Variants in GAP43 observed in about 807,000 individuals in gnomAD.
GAP43 encodes the protein neuromodulin.
In GAP43, 6 loss-of-function variants were observed where a neutral mutation model predicts 18.6. The ratio of observed to expected loss-of-function variants is 0.32; its 90% CI spans 0.18 to 0.64. GAP43 has a LOEUF of 0.64. GAP43 is among the 30% of genes least tolerant of loss of function. GAP43 has a pLI of 0.78. For missense variants in GAP43, 292 were observed against 295.5 expected, an observed-to-expected ratio of 0.99 and a Z score of 0.09; for synonymous variants, 115 against 111.4, an observed-to-expected ratio of 1.03 and a Z score of -0.20.
At chr3:115,709,310 C>T (rs1005973376) in intron 2 of GAP43, among the ~76,000 whole-genome samples, 1 of 152,210 alleles carries the variant, frequency 6.6e-6, no homozygotes, top group Non-Finnish European at 1.5e-5. Flanking sequence ...CAGTTCCCCA[C>T]AGACCCCACT....
At chr3:115,648,139 T>G (rs72961663) in intron 1 of GAP43, among the ~76,000 whole-genome samples, 2 of 152,116 alleles carry the variant, frequency 1.3e-5, no homozygotes, top group Non-Finnish European at 2.9e-5. Context: ...AGGCTCGTCA[T>G]GGAAGTAGTC....
chr3:115,697,191 T>A (rs898450860), intron 2 of GAP43, among the ~76,000 whole-genome samples: 1 of 28,336 alleles, frequency 3.5e-5, no homozygotes, highest in Non-Finnish European at 6.5e-5. Flanking sequence ...ATACATTACA[T>A]TTATTTATTT....
At chr3:115,692,341 G>T (rs1709125946) in intron 2 of GAP43, among the ~76,000 whole-genome samples, 1 of 152,124 alleles carries the variant, frequency 6.6e-6, no homozygotes, top group African/African-American at 2.4e-5. Context: ...CAATTAATTT[G>T]TACTTATTAA....
chr3:115,663,075 G>T (rs1708686033), intron 1 of GAP43, among the ~76,000 whole-genome samples: 1 of 152,072 alleles, frequency 6.6e-6, no homozygotes, highest in Admixed American at 6.5e-5. Context: ...CTGCTGCTTT[G>T]TACCATGAAC....
chr3:115,692,305 C>T (rs903123111), intron 2 of GAP43, among the ~76,000 whole-genome samples: 4 of 152,154 alleles, frequency 2.6e-5, no homozygotes, highest in Non-Finnish European at 5.9e-5. Flanking sequence ...ACCCAGATAT[C>T]GCAAGGACTG....
Position 115,676,216 on chromosome 3 carries a change from G to A in GAP43, c.234G>A (p.Val78=). ...ATGAAGCCCCTGTTGCCGATGGGGT[G>A]GAGAAGAAGGGAGAAGGCACCACTA... The part of the protein sequence containing the change: ...KKDEAPVADG[V]EKKGEGTTTA... Residue 78 remains valine, a synonymous_variant, in exon 2 of 3, where the codon GTG becomes GTA. Coordinates refer to ENST00000305124, the MANE Select transcript of GAP43 (RefSeq NM_002045.4). 5 of 1,614,168 alleles carry A rather than the reference G, an allele frequency of 3.1e-6. No individual in the cohort carries two copies. Among genetic ancestry groups the A allele is most frequent in the South Asian group, 1.1e-5 (1 of 91,082 alleles).
At chr3:115,628,709 G>T (rs13059137) in intron 1 of GAP43, among the ~76,000 whole-genome samples, 39,044 of 151,766 alleles carry the variant, frequency 0.26, 5,202 homozygotes, top group East Asian at 0.37. Flanking sequence ...CTCCTTATAG[G>T]CTTCTCTTGC....
chr3:115,666,604 G>T (rs1708737061), intron 1 of GAP43, among the ~76,000 whole-genome samples: 1 of 152,122 alleles, frequency 6.6e-6, no homozygotes. Context: ...TAACTCATTT[G>T]ATTCTCATAT....
chr3:115,628,734 T>A (rs934674496), intron 1 of GAP43, among the ~76,000 whole-genome samples: 5 of 152,084 alleles, frequency 3.3e-5, no homozygotes, highest in Non-Finnish European at 5.9e-5. Flanking sequence ...TTCACCCACC[T>A]CCCCAAATCT....
Position 115,676,570 on chromosome 3 carries a change from A to C in GAP43, c.588A>C (p.Pro196=). 3 of 1,611,448 alleles carry C rather than the reference A, an allele frequency of 1.9e-6. No homozygotes were observed. The highest frequency in any genetic ancestry group is 2.5e-6 in the Non-Finnish European group (3 of 1,179,578). The change falls in exon 2 of 3, where the codon CCA becomes CCC. Residue 196 remains proline (P), a synonymous_variant. Transcript: ENST00000305124. ...DAAAKATAQP[P]TETGESSQAE... ...CTGCCAAGGCAACAGCCCAGCCTCC[A>C]ACGGAGACTGGGGAGAGCAGCCAAG...
At chr3:115,630,222 T>C (rs1473695029) in intron 1 of GAP43, among the ~76,000 whole-genome samples, 3 of 152,214 alleles carry the variant, frequency 2.0e-5, no homozygotes, top group Non-Finnish European at 4.4e-5. Flanking sequence ...GCAATATTTT[T>C]TTCTTTAAAT....
chr3:115,628,806 G>C (rs1708224299), intron 1 of GAP43, among the ~76,000 whole-genome samples: 1 of 152,098 alleles, frequency 6.6e-6, no homozygotes, highest in African/African-American at 2.4e-5. Context: ...ACTAATCCTA[G>C]GTGATCTCAT....
chr3:115,718,336 C>A (rs994309626), intron 2 of GAP43, among the ~76,000 whole-genome samples: 1 of 152,152 alleles, frequency 6.6e-6, no homozygotes, highest in Non-Finnish European at 1.5e-5. Context: ...GGTTAGGGAA[C>A]CAAGCAAACT....
intron 1 of GAP43, among the ~76,000 whole-genome samples, chr3:115,662,420 C>T (rs1430784927): frequency 1.3e-5 from 2 of 152,118 alleles, no homozygotes; most frequent in South Asian, 2.1e-4. Flanking sequence ...TTCAGCTTAC[C>T]GGGTTTTGAT....
intron 1 of GAP43, among the ~76,000 whole-genome samples, chr3:115,631,450 G>C (rs540279403): frequency 7.8e-4 from 119 of 152,280 alleles, no homozygotes; most frequent in Non-Finnish European, 1.4e-3. Context: ...AACAATAAAA[G>C]TGTTTTGCAA....
rs1356902812 is a variant in GAP43 at position 115,716,737 on chromosome 3, T to G, written c.629-4057T>G. Among the ~76,000 whole-genome samples, 7 of 110,308 alleles carry G rather than the reference T, an allele frequency of 6.3e-5. 1 individual carries two copies. The highest frequency in any genetic ancestry group is 2.7e-4 in the African/African-American group (7 of 25,926). The allele number at this position is 110,308 out of a possible 152,430, so 72.4% of individuals were successfully genotyped here. A position where few individuals can be genotyped will look rare whatever the true frequency, so the allele number is the denominator to read the frequency against. On this transcript the variant is annotated intron_variant, in intron 2 of 2. Coordinates refer to ENST00000305124, the MANE Select transcript of GAP43 (RefSeq NM_002045.4). ...AGACAAATATATATATATATATATA[T>G]ATATATATATATATATATATATATA... is the stretch of plus-strand genomic sequence containing the variant.
At chr3:115,649,031 C>A (rs1708493345) in intron 1 of GAP43, among the ~76,000 whole-genome samples, 2 of 152,056 alleles carry the variant, frequency 1.3e-5, no homozygotes, top group Non-Finnish European at 2.9e-5. Flanking sequence ...AGATAACTGG[C>A]ATAGACCACA....
chr3:115,703,982 G>A (rs1240747934), intron 2 of GAP43, among the ~76,000 whole-genome samples: 1 of 152,036 alleles, frequency 6.6e-6, no homozygotes, highest in African/African-American at 2.4e-5. Flanking sequence ...TCCAGTGAGT[G>A]CTATTGATTC....
At chr3:115,706,417 G>C (rs1418398157) in intron 2 of GAP43, among the ~76,000 whole-genome samples, 1 of 152,098 alleles carries the variant, frequency 6.6e-6, no homozygotes, top group East Asian at 1.9e-4. Flanking sequence ...GCTGTGACTT[G>C]GCCTTTTACT....
Sources: gnomAD v4.1 joint callset for allele counts (sites outside exome capture counted in the v4.1 genomes callset) on GRCh38, gnomAD v4.1.1 for gene constraint, MANE v1.5 for transcripts, NCBI Gene and HGNC (gene_info 2026-07-23, HGNC 2026-07-21) for gene names.